NCSTN: variants seen among roughly 807,000 people sequenced by gnomAD.
The protein encoded by NCSTN is nicastrin, also known as anterior pharynx-defective 2.
NCSTN carries 22 observed loss-of-function variants against 87.0 expected under a neutral mutation model. The ratio of observed to expected loss-of-function variants is 0.25; its 90% CI spans 0.18 to 0.36. The LOEUF (loss-of-function observed/expected upper bound fraction) is 0.36, where lower values mean the gene tolerates loss of function less well. Ranked by LOEUF, NCSTN falls within the 10% of genes least tolerant of loss-of-function variation. The probability of loss-of-function intolerance (pLI) is 1.00; values close to 1 mark genes in which losing one functional copy is unlikely to be tolerated. For synonymous variants in NCSTN, 306 were observed against 327.1 expected (o/e 0.94, Z 0.69); for missense variants, 693 against 883.3 (o/e 0.78, Z 2.73).
At position 160,344,711 on chromosome 1, in the gene NCSTN, C is replaced by T; in HGVS notation, c.86-11C>T. 1 of 1,612,902 alleles carries T rather than the reference C, an allele frequency of 6.2e-7. No homozygotes were observed. The highest frequency in any genetic ancestry group is 1.1e-5 in the South Asian group (1 of 90,996). ...CTCAAATTTTTCTAACACTTTTTAT[C>T]TTCCGATCAGGTTTGTGCAGGGGAA... On this transcript the variant is annotated splice_polypyrimidine_tract_variant and intron_variant, in intron 1 of 16. Coordinates refer to ENST00000294785, the MANE Select transcript of NCSTN (RefSeq NM_015331.3).
intron 5 of NCSTN, among the ~76,000 whole-genome samples, 154 bp downstream of exon 5, chr1:160,350,404 A>G (rs957392938): frequency 1.3e-5 from 2 of 149,206 alleles, no homozygotes; most frequent in Admixed American, 1.4e-4. Context: ...GTGAGCTGAG[A>G]TGGCACCATT....
chr1:160,358,143 C>T lies in NCSTN; in HGVS notation c.2008-6C>T, dbSNP rs769795228. ...TTGTCCTTTCCTGCCCTCCCTCCCCCTGCAGTTGATCACCCTGACAGTGGG... is the reference window on the plus strand; with the variant it reads ...TTGTCCTTTCCTGCCCTCCCTCCCCTTGCAGTTGATCACCCTGACAGTGGG... On this transcript the variant is annotated splice_region_variant and splice_polypyrimidine_tract_variant and intron_variant, in intron 16 of 16. Transcript: ENST00000294785. 6.8e-6 allele frequency: 11 copies of T among 1,614,088 alleles called. No homozygotes were observed. Among genetic ancestry groups the T allele is most frequent in the Admixed American group, 1.7e-5 (1 of 60,010 alleles).
At chr1:160,346,655 G>A in intron 2 of NCSTN, among the ~76,000 whole-genome samples, 1 of 151,770 alleles carries the variant, frequency 6.6e-6, no homozygotes, top group East Asian at 1.9e-4. Context: ...GCCCAGGCTG[G>A]AGTGCAATGG....
At chr1:160,347,156 G>T (rs1571199654) in intron 2 of NCSTN, among the ~76,000 whole-genome samples, 1 of 152,208 alleles carries the variant, frequency 6.6e-6, no homozygotes, top group African/African-American at 2.4e-5. Context: ...AACAAGAGGG[G>T]GTAAGCGGGA....
At position 160,349,578 on chromosome 1, in the gene NCSTN, C is replaced by G. The variant is rs755405827; in HGVS notation, c.344C>G (p.Thr115Ser). Residue 115 changes from threonine to serine, a missense_variant, in exon 4 of 17, where the codon ACC (threonine) becomes AGC (serine). Coordinates refer to ENST00000294785, the MANE Select transcript of NCSTN (RefSeq NM_015331.3). Reference sequence around the variant, plus strand: ...TTAATGGAGAAGCTGAAAGGGAGAACCAGCCGAATTGCTGGTCTTGCAGTG... The same window carrying G: ...TTAATGGAGAAGCTGAAAGGGAGAAGCAGCCGAATTGCTGGTCTTGCAGTG... ...RDLMEKLKGR[T>S]SRIAGLAVSL... 1 of 1,614,168 alleles carries G rather than the reference C, an allele frequency of 6.2e-7. No individual in the cohort carries two copies. Among genetic ancestry groups the G allele is most frequent in the African/African-American group, 1.3e-5 (1 of 75,034 alleles).
In NCSTN at chr1:160,343,590, C is replaced by T. The variant is rs553583781; in HGVS notation, c.85+109C>T. ...GGTTCCTGCTGCCCCTCTGTCCCCCCACCCTGTAAATCCTCTTTCTTTTTC... is the reference window on the plus strand; with the variant it reads ...GGTTCCTGCTGCCCCTCTGTCCCCCTACCCTGTAAATCCTCTTTCTTTTTC... On this transcript the variant is annotated intron_variant, in intron 1 of 16. Transcript: ENST00000294785. 9.4e-4 allele frequency: 977 copies of T among 1,035,466 alleles called. 8 individuals carry two copies. In the African/African-American group the frequency reaches 0.013, roughly 14 times the overall value. 64.1% of individuals were successfully genotyped at this position (1,035,466 alleles called of 1,614,324 possible). A position where few individuals can be genotyped will look rare whatever the true frequency, so the allele number is the denominator to read the frequency against.
At chr1:160,353,534 C>T (rs984224971) in intron 10 of NCSTN, 1 of 1,295,496 alleles carries the variant, frequency 7.7e-7, no homozygotes, top group African/African-American at 1.5e-5. Flanking sequence ...GCCTTGCTGC[C>T]CCATGGATCC....
Position 160,353,230 on chromosome 1 carries a change from G to T in NCSTN, c.1172G>T (p.Arg391Leu). The change falls in exon 10 of 17, where the codon CGG becomes CTG. Residue 391 changes from arginine (R) to leucine (L), a missense_variant. By Grantham distance (102) the Arg-to-Leu change is moderately radical. Transcript: ENST00000294785. ...GTTTCTCAGAAAAATGAGTCTGTAC[G>T]GAACCAGGTAACCTGAGCATCTCCC... is the stretch of plus-strand genomic sequence containing the variant. ...DPVSQKNESVRNQVEDLLATL... is the reference protein window; with the variant it reads ...DPVSQKNESVLNQVEDLLATL... The T allele has an allele frequency of 6.2e-7, 1 of 1,614,038 alleles. No individual in the cohort carries two copies. Among genetic ancestry groups the T allele is most frequent in the Non-Finnish European group, 8.5e-7 (1 of 1,179,986 alleles).
At chr1:160,353,540 G>A (rs779801269) in intron 10 of NCSTN, 24 of 1,289,688 alleles carry the variant, frequency 1.9e-5, no homozygotes, top group Admixed American at 3.3e-5. Context: ...CTGCCCCATG[G>A]ATCCAATTGT....
At chr1:160,350,615 C>T (rs1571204486) in intron 5 of NCSTN, among the ~76,000 whole-genome samples, 1 of 152,052 alleles carries the variant, frequency 6.6e-6, no homozygotes, top group East Asian at 1.9e-4. Flanking sequence ...GATATTACAG[C>T]ATTAAAGCCT....
At chr1:160,356,967 A>C in intron 15 of NCSTN, 74 bp from the exon 16 acceptor site, 1 of 1,451,358 alleles carries the variant, frequency 6.9e-7, no homozygotes, top group Non-Finnish European at 9.7e-7. Context: ...AGAGCATGGC[A>C]CTGATAGAGG....
At position 160,356,922 on chromosome 1, in the gene NCSTN, G is replaced by A. The variant is rs530940906; in HGVS notation, c.1795-119G>A. On this transcript the variant is annotated intron_variant, in intron 15 of 16. Coordinates refer to ENST00000294785, the MANE Select transcript of NCSTN (RefSeq NM_015331.3). ...CTGGGTGAAAATGGACCATCTGAAGGGTAAAGGGACAGCAGCCAGTTAGCT... is the reference window on the plus strand; with the variant it reads ...CTGGGTGAAAATGGACCATCTGAAGAGTAAAGGGACAGCAGCCAGTTAGCT... The A allele has an allele frequency of 5.8e-5, 80 of 1,370,388 alleles. 1 individual carries two copies. In the South Asian group the frequency reaches 9.1e-4, roughly 16 times the overall value. The allele number at this position is 1,370,388 out of a possible 1,614,324, so 84.9% of individuals were successfully genotyped here. A position where few individuals can be genotyped will look rare whatever the true frequency, so the allele number is the denominator to read the frequency against.
chr1:160,352,837 C>T (rs146129522), intron 8 of NCSTN, 50 bp from the exon 9 acceptor site: 3 of 1,479,840 alleles, frequency 2.0e-6, no homozygotes, highest in Non-Finnish European at 2.8e-6. Context: ...CGAGGCTCTC[C>T]TAACCCTTTG....
In NCSTN at chr1:160,354,112, C is replaced by T; in HGVS notation, c.1180-6C>T. On this transcript the variant is annotated splice_region_variant and splice_polypyrimidine_tract_variant and intron_variant, in intron 10 of 16. Transcript: ENST00000294785. The stretch of plus-strand genomic sequence containing the variant: ...CCCATCAGTTAATCTCCCTCGTACC[C>T]CCCAGGTGGAGGATCTCCTGGCCAC... 2 of 1,613,944 alleles carry T rather than the reference C, an allele frequency of 1.2e-6. No individual in the cohort carries two copies.
chr1:160,351,604 C>CTGACTCTGACCA, intron 6 of NCSTN, 92 bp from the exon 7 acceptor site: 1 of 1,317,824 alleles, frequency 7.6e-7, no homozygotes, highest in Admixed American at 1.7e-5. Flanking sequence ...ACTTAGAGTC[C>CTGACTCTGACCA]GTGGGGCACT....
intron 16 of NCSTN, among the ~76,000 whole-genome samples, chr1:160,357,530 G>A (rs544389770): frequency 1.3e-5 from 2 of 152,220 alleles, no homozygotes; most frequent in African/African-American, 2.4e-5. Flanking sequence ...TCAGCCTTTC[G>A]AGTAGCTGGG....
At position 160,356,146 on chromosome 1, in the gene NCSTN, C is replaced by G. The variant is rs1376668757; in HGVS notation, c.1552-114C>G. 39 of 1,084,116 alleles carry G rather than the reference C, an allele frequency of 3.6e-5. 2 individuals carry two copies. The South Asian group carries it at 4.9e-4, about 14-fold the overall frequency. The allele number at this position is 1,084,116 out of a possible 1,614,324, so 67.2% of individuals were successfully genotyped here. A position where few individuals can be genotyped will look rare whatever the true frequency, so the allele number is the denominator to read the frequency against. ...ATGAGCCAGCTACTGTCTCCCAACT[C>G]CAGTCTATCTGGCCAGTCTGGTTCC... On this transcript the variant is annotated intron_variant, in intron 13 of 16. Coordinates refer to ENST00000294785, the MANE Select transcript of NCSTN (RefSeq NM_015331.3).
At chr1:160,344,883 C>T in intron 2 of NCSTN, 57 bp downstream of exon 2, 3 of 1,403,696 alleles carry the variant, frequency 2.1e-6, no homozygotes, top group South Asian at 1.2e-5. Flanking sequence ...GCCCTAGATA[C>T]TAAGTAACAT....
chr1:160,344,815 T>C lies in NCSTN; in HGVS notation c.179T>C (p.Ile60Thr). 6.2e-7 allele frequency: 1 copy of C among 1,613,104 alleles called. No individual in the cohort carries two copies. Among genetic ancestry groups the C allele is most frequent in the Non-Finnish European group, 8.5e-7 (1 of 1,179,084 alleles). Residue 60 changes from isoleucine (I) to threonine (T), a missense_variant, in exon 2 of 17, where the codon ATT (isoleucine) becomes ACT (threonine). Ile to Thr is a moderately conservative substitution (Grantham distance 89). Around this residue, in one of 4 missense-constraint regions of NCSTN, gnomAD observed 235 missense variants for 233.9 expected, o/e 1.00. Transcript: ENST00000294785. Reference protein sequence around the residue: ...CVRLLNATHQIGCQSSISGDT... With the variant: ...CVRLLNATHQTGCQSSISGDT... ...CGCCTGCTCAACGCCACTCATCAGATTGGCTGCCAGTGTGAGTTGAGATGG... is the reference window on the plus strand; with the variant it reads ...CGCCTGCTCAACGCCACTCATCAGACTGGCTGCCAGTGTGAGTTGAGATGG...
Sources: allele counts gnomAD v4.1 joint callset (sites outside exome capture counted in the v4.1 genomes callset), GRCh38; gene constraint gnomAD v4.1.1; regional missense constraint gnomAD v4.1.1; transcripts MANE v1.5; gene names NCBI Gene and HGNC (gene_info 2026-07-23, HGNC 2026-07-21).